The following MGAM variants were observed in gnomAD, a reference collection of about 807,000 sequenced individuals.
MGAM encodes alpha-1,4-glucosidase.
MGAM carries 253 observed loss-of-function variants against 358.8 expected under a neutral mutation model. That is an observed-to-expected ratio of 0.71 (90% CI 0.64 to 0.78). The LOEUF is 0.78. Ranked by LOEUF, MGAM falls within the 30% of genes least tolerant of loss-of-function variation. The pLI is 0.00. For synonymous variants in MGAM, 1,105 were observed against 1,227.1 expected (o/e 0.90, Z 2.08); for missense variants, 3,080 against 3,432.6 (o/e 0.90, Z 2.57).
chr7:141,991,779 A>G (rs1189151923), upstream of MGAM, among the ~76,000 whole-genome samples: 2 of 152,146 alleles, frequency 1.3e-5, no homozygotes, highest in African/African-American at 4.8e-5. Context: ...TCACGTTTGC[A>G]TAGTCTTCGA....
chr7:142,061,294 C>G (rs1341060781), intron 34 of MGAM, among the ~76,000 whole-genome samples: 1 of 152,136 alleles, frequency 6.6e-6, no homozygotes, highest in East Asian at 1.9e-4. Context: ...TTCTAATTCT[C>G]CATCCCCCAC....
At chr7:142,083,654 A>T (rs1459655671) in intron 53 of MGAM, among the ~76,000 whole-genome samples, 1 of 145,734 alleles carries the variant, frequency 6.9e-6, no homozygotes, top group Admixed American at 6.9e-5. Context: ...TGATAGTAGT[A>T]TGGTGGTGGT....
rs1028696645 is a variant in MGAM, at chr7:142,103,439, G to T, written c.8184G>T (p.Gln2728His). 1 of 1,595,010 alleles carries T rather than the reference G, an allele frequency of 6.3e-7. No individual in the cohort carries two copies. The highest frequency in any genetic ancestry group is 1.4e-5 in the African/African-American group (1 of 74,032). ...TPSFNNDPTT[Q>H]VLSIDVTDRN... ...CCTTCAACAATGACCCCACGACACAGGTTTGTGACCAGCAAAAAGTGCGAA... is the reference window on the plus strand; with the variant it reads ...CCTTCAACAATGACCCCACGACACATGTTTGTGACCAGCAAAAAGTGCGAA... Residue 2728 changes from glutamine to histidine, a missense_variant and splice_region_variant, in exon 70 of 71, where the codon CAG becomes CAT. Physicochemically the swap from Gln to His is conservative, Grantham distance 24. This residue lies in a region of MGAM where 194 missense variants were observed against 172.8 expected (regional missense o/e 1.12). Transcript: ENST00000475668.
In MGAM at chr7:142,092,128, T is replaced by C. The variant is rs1300729859; in HGVS notation, c.6945+81T>C. On this transcript the variant is annotated intron_variant, in intron 58 of 70. Coordinates refer to ENST00000475668, the MANE Select transcript of MGAM (RefSeq NM_001365693.1). Reference sequence around the variant, plus strand: ...ACGTGTATGTACCACTGACCTTCAGTCAAGAGGATAGTCATTGTCCAAGGA... The same window carrying C: ...ACGTGTATGTACCACTGACCTTCAGCCAAGAGGATAGTCATTGTCCAAGGA... 2.0e-6 allele frequency: 3 copies of C among 1,475,922 alleles called. No individual in the cohort carries two copies. The African/African-American group carries it at 4.1e-5, about 20-fold the overall frequency. The allele number at this position is 1,475,922 out of a possible 1,614,324, so 91.4% of individuals were successfully genotyped here. A position where few individuals can be genotyped will look rare whatever the true frequency, so the allele number is the denominator to read the frequency against.
intron 64 of MGAM, 38 bp from the exon 65 acceptor site, chr7:142,096,293 T>C (rs1158834209): frequency 6.5e-7 from 1 of 1,536,176 alleles, no homozygotes; most frequent in African/African-American, 1.4e-5. Flanking sequence ...GCTGGGGCTC[T>C]GTTGGGCTCT....
At chr7:142,057,410 G>GTGATGA (rs761114433) in intron 30 of MGAM, among the ~76,000 whole-genome samples, 1 of 150,918 alleles carries the variant, frequency 6.6e-6, no homozygotes, top group African/African-American at 2.5e-5. Context: ...GGTAGTGATG[G>GTGATGA]TGATGATGAT....
rs200799760 is a variant in MGAM at position 142,092,048 on chromosome 7, G to T, written c.6945+1G>T. 6.5e-7 allele frequency: 1 copy of T among 1,542,298 alleles called. No individual in the cohort carries two copies. The highest frequency in any genetic ancestry group is 2.3e-5 in the East Asian group (1 of 43,832). On this transcript the variant is annotated splice_donor_variant, in intron 58 of 70. Coordinates refer to ENST00000475668, the MANE Select transcript of MGAM (RefSeq NM_001365693.1). LOFTEE classifies it high-confidence loss of function. ...CTTGAAGTTTGATGGCATGTGGATT[G>T]TAAGTGTGTGTGTGTCTCTGTGTAC... is the stretch of plus-strand genomic sequence containing the variant.
At chr7:142,092,886 T>C (rs1366966728) in intron 59 of MGAM, among the ~76,000 whole-genome samples, 2 of 146,740 alleles carry the variant, frequency 1.4e-5, no homozygotes, top group East Asian at 2.0e-4. Flanking sequence ...GTTAGTTTTT[T>C]AGGCTTATGT....
At position 142,048,405 on chromosome 7, in the gene MGAM, C is replaced by T. The variant is rs952438805; in HGVS notation, c.2587+532C>T. Among the ~76,000 whole-genome samples the T allele has an allele frequency of 1.6e-4, 25 of 151,670 alleles. 1 individual carries two copies. The highest frequency in any genetic ancestry group is 1.5e-3 in the Admixed American group (22 of 15,152). On this transcript the variant is annotated intron_variant, in intron 22 of 70. Coordinates refer to ENST00000475668, the MANE Select transcript of MGAM (RefSeq NM_001365693.1). ...ATTCGTAATCTGCCCGGCTCGGCCC[C>T]CCAAAGTGCTGGGATTACAGGCATG...
intron 15 of MGAM, 64 bp from the exon 16 acceptor site, chr7:142,034,606 G>A: frequency 6.9e-7 from 1 of 1,439,116 alleles, no homozygotes; most frequent in Non-Finnish European, 9.6e-7. Context: ...TATTGTTGCT[G>A]TATCCCCTTG....
chr7:142,094,116 C>T (rs1301318414), intron 60 of MGAM, among the ~76,000 whole-genome samples: 1 of 145,888 alleles, frequency 6.9e-6, no homozygotes, highest in Non-Finnish European at 1.6e-5. Flanking sequence ...TTTAGTAATT[C>T]CTTACTATTT....
At chr7:142,023,059 TTTC>T (rs1316898729) in intron 7 of MGAM, among the ~76,000 whole-genome samples, 1 of 152,132 alleles carries the variant, frequency 6.6e-6, no homozygotes, top group Non-Finnish European at 1.5e-5. Context: ...TTCTTTTTCT[TTTC>T]TTCTTCTCTC....
rs1327330762 is a variant in MGAM, at chr7:142,084,654, C to T, written c.6507+10C>T. 3.1e-5 allele frequency: 48 copies of T among 1,554,118 alleles called. 6 individuals are homozygous for T. The highest frequency in any genetic ancestry group is 3.8e-5 in the Non-Finnish European group (43 of 1,131,774). On this transcript the variant is annotated intron_variant, in intron 54 of 70. Transcript: ENST00000475668. ...TGCCCAGATCCCTTATGTACGTTCT[C>T]AGTCATGGCTCTGGAGTTTGAAAAC...
intron 57 of MGAM, 119 bp downstream of exon 57, chr7:142,086,836 G>C: frequency 2.1e-6 from 1 of 476,466 alleles, no homozygotes; most frequent in East Asian, 3.6e-5. Flanking sequence ...AACACTTAGG[G>C]CATGTGTGTT....
intron 7 of MGAM, among the ~76,000 whole-genome samples, chr7:142,022,932 A>G (rs1554459530): frequency 1.3e-5 from 2 of 152,244 alleles, no homozygotes. Context: ...TGTGGTAGTG[A>G]AAGAATAGAC....
At position 142,074,958 on chromosome 7, in the gene MGAM, A is replaced by G. The variant is rs143292031; in HGVS notation, c.5275+785A>G. Reference sequence around the variant, plus strand: ...CAGACTGGATCCCCAGAACTTATTCATCTAAGAACTGAAAGTTTGTACCCT... The same window carrying G: ...CAGACTGGATCCCCAGAACTTATTCGTCTAAGAACTGAAAGTTTGTACCCT... On this transcript the variant is annotated intron_variant, in intron 45 of 70. Coordinates refer to ENST00000475668, the MANE Select transcript of MGAM (RefSeq NM_001365693.1). 2.4e-3 allele frequency among the ~76,000 whole-genome samples: 351 copies of G among 146,312 alleles called. 12 individuals are homozygous for G. The highest frequency in any genetic ancestry group is 8.3e-3 in the African/African-American group (343 of 41,228).
Position 142,094,576 on chromosome 7 carries a change from G to A in MGAM, c.7307-44G>A, listed in dbSNP as rs371597637. 2.7e-4 allele frequency: 420 copies of A among 1,556,052 alleles called. 21 individuals are homozygous for A. The African/African-American group carries it at 3.9e-3, about 15-fold the overall frequency. On this transcript the variant is annotated intron_variant, in intron 61 of 70. Transcript: ENST00000475668. ...TGGGGAAGAGGTGAGGAGGCAGGTCGTGAGAGCGAGCCTGGTGTGACACAG... is the reference window on the plus strand; with the variant it reads ...TGGGGAAGAGGTGAGGAGGCAGGTCATGAGAGCGAGCCTGGTGTGACACAG...
rs1210860633 is a variant in MGAM, at chr7:142,082,796, G to T, written c.6268+225G>T. 1.4e-5 allele frequency among the ~76,000 whole-genome samples: 2 copies of T among 146,140 alleles called. 1 individual carries two copies. Among genetic ancestry groups the T allele is most frequent in the African/African-American group, 4.9e-5 (2 of 41,106 alleles). On this transcript the variant is annotated intron_variant, in intron 52 of 70. Coordinates refer to ENST00000475668, the MANE Select transcript of MGAM (RefSeq NM_001365693.1). ...TTTTGGTAAAAATCACATAAGAAGGGATAGTAAAACCACATGGGTCCCAAA... is the reference window on the plus strand; with the variant it reads ...TTTTGGTAAAAATCACATAAGAAGGTATAGTAAAACCACATGGGTCCCAAA...
rs1264734065 is a variant in MGAM, at chr7:142,082,173, A to C, written c.6134A>C (p.His2045Pro). The C allele has an allele frequency of 6.4e-7, 1 of 1,555,318 alleles. No homozygotes were observed. The highest frequency in any genetic ancestry group is 8.8e-7 in the Non-Finnish European group (1 of 1,132,396). ...TCCTACAGGAGAGACTTGGAGTGGC[A>C]CACTTGGGGGATGTTCTCCCGAGAC... ...HTSYRRDLEW[H>P]TWGMFSRDQP... Residue 2045 changes from histidine to proline, a missense_variant, in exon 51 of 71, where the codon CAC (histidine) becomes CCC (proline). This residue lies in a region of MGAM where 932 missense variants were observed against 1,198.2 expected (regional missense o/e 0.78). Transcript: ENST00000475668.
Sources: allele counts gnomAD v4.1 joint callset (sites outside exome capture counted in the v4.1 genomes callset), GRCh38; gene constraint gnomAD v4.1.1; regional missense constraint gnomAD v4.1.1; transcripts MANE v1.5; gene names NCBI Gene and HGNC (gene_info 2026-07-23, HGNC 2026-07-21).